The following MTHFD1L variants were observed in gnomAD, a reference collection of about 807,000 sequenced individuals.
MTHFD1L encodes methylenetetrahydrofolate dehydrogenase (NADP+ dependent) 1 like.
Under a neutral mutation model 119.5 loss-of-function variants are expected in MTHFD1L, and 81 were observed. The observed-to-expected ratio is 0.68, with a 90% CI of 0.57 to 0.82. The LOEUF (loss-of-function observed/expected upper bound fraction) is 0.82. Ranked by LOEUF, MTHFD1L falls within the 40% of genes least tolerant of loss-of-function variation. The probability of loss-of-function intolerance (pLI) is 0.00; values close to 1 mark genes in which losing one functional copy is unlikely to be tolerated. For synonymous variants in MTHFD1L, 430 were observed against 475.2 expected, an observed-to-expected ratio of 0.90 and a Z score of 1.24; for missense variants, 1,125 against 1,253.4, an observed-to-expected ratio of 0.90 and a Z score of 1.55.
chr6:150,986,617 C>T (rs553149089), intron 20 of MTHFD1L, among the ~76,000 whole-genome samples: 1 of 152,364 alleles, frequency 6.6e-6, no homozygotes, highest in South Asian at 2.1e-4. Flanking sequence ...AGGTGGAGCT[C>T]AGGCAGTAAT....
intron 14 of MTHFD1L, 141 bp downstream of exon 14, chr6:150,944,734 C>T: frequency 3.0e-6 from 2 of 658,058 alleles, no homozygotes; most frequent in Non-Finnish European, 5.3e-6. Context: ...ACATATGTCC[C>T]TGTTTCCCAA....
chr6:151,087,373 C>T (rs1793921809), intron 26 of MTHFD1L, among the ~76,000 whole-genome samples: 1 of 152,040 alleles, frequency 6.6e-6, no homozygotes, highest in Non-Finnish European at 1.5e-5. Context: ...TGTATATCAG[C>T]CATCCATCAG....
At chr6:150,889,233 T>G (rs997755971) in intron 7 of MTHFD1L, among the ~76,000 whole-genome samples, 1 of 152,140 alleles carries the variant, frequency 6.6e-6, no homozygotes, top group African/African-American at 2.4e-5. Flanking sequence ...ACTAGTTATG[T>G]ATATGAGTCT....
At chr6:151,093,767 CGGCTCTCT>C (rs1794660716) in intron 27 of MTHFD1L, among the ~76,000 whole-genome samples, 1 of 151,974 alleles carries the variant, frequency 6.6e-6, no homozygotes, top group African/African-American at 2.4e-5. Flanking sequence ...CAGGTGTGTT[CGGCTCTCT>C]TGTCCCTGGA....
intron 8 of MTHFD1L, among the ~76,000 whole-genome samples, chr6:150,909,358 C>T (rs898521889): frequency 6.6e-6 from 1 of 151,730 alleles, no homozygotes; most frequent in Admixed American, 6.6e-5. Context: ...ACGATCACAG[C>T]CTCAAACTCC....
intron 8 of MTHFD1L, among the ~76,000 whole-genome samples, chr6:150,906,481 C>T (rs932881103): frequency 4.6e-5 from 7 of 152,180 alleles, no homozygotes; most frequent in African/African-American, 1.7e-4. Flanking sequence ...CTAAGAAAGC[C>T]TTGGAGCACA....
intron 7 of MTHFD1L, among the ~76,000 whole-genome samples, chr6:150,897,481 C>G (rs1784429909): frequency 6.6e-6 from 1 of 152,222 alleles, no homozygotes; most frequent in Non-Finnish European, 1.5e-5. Flanking sequence ...ATCATATTGA[C>G]TTGCTTTCCG....
At chr6:151,076,352 A>G (rs1175627024) in intron 26 of MTHFD1L, among the ~76,000 whole-genome samples, 1 of 152,072 alleles carries the variant, frequency 6.6e-6, no homozygotes, top group Non-Finnish European at 1.5e-5. Context: ...CCCTGTCCCA[A>G]AGAAAAAAAA....
chr6:151,047,401 A>G (rs1788261154), intron 26 of MTHFD1L, among the ~76,000 whole-genome samples: 1 of 152,242 alleles, frequency 6.6e-6, no homozygotes. Context: ...ATCAGGGAGC[A>G]AGTATAAAGT....
intron 24 of MTHFD1L, among the ~76,000 whole-genome samples, chr6:151,032,050 A>G (rs529075579): frequency 6.6e-6 from 1 of 152,284 alleles, no homozygotes; most frequent in African/African-American, 2.4e-5. Flanking sequence ...CATGGAATTT[A>G]TTAGCATAGT....
At chr6:150,960,499 A>G (rs886067642) in intron 18 of MTHFD1L, 84 bp downstream of exon 18, 9 of 1,488,994 alleles carry the variant, frequency 6.0e-6, no homozygotes, top group Non-Finnish European at 8.1e-6. Flanking sequence ...TCTTCCTTTT[A>G]TCAGTGAGTG....
chr6:150,970,358 G>A (rs553752009), intron 19 of MTHFD1L, among the ~76,000 whole-genome samples: 1 of 152,276 alleles, frequency 6.6e-6, no homozygotes, highest in South Asian at 2.1e-4. Flanking sequence ...AGCCGTGTGT[G>A]GTGTTGATGG....
chr6:151,041,983 T>A (rs6557109), intron 26 of MTHFD1L: 5,269 of 370,152 alleles, frequency 0.014, 288 homozygotes, highest in African/African-American at 0.1. Context: ...TTTCCTACCA[T>A]TGAATTATTT....
chr6:151,039,765 A>C lies in MTHFD1L; in HGVS notation c.2847+2648A>C, dbSNP rs1425231595. 6.6e-6 allele frequency among the ~76,000 whole-genome samples: 1 copy of C among 151,910 alleles called. No homozygotes were observed. Among genetic ancestry groups the C allele is most frequent in the Admixed American group, 6.6e-5 (1 of 15,234 alleles). On this transcript the variant is annotated intron_variant, in intron 26 of 27. Transcript: ENST00000367321. The surrounding 1 kb of genome is among the most constrained non-coding windows in gnomAD (Gnocchi z 4.4). The stretch of plus-strand genomic sequence containing the variant: ...CCCCATCACTACTAAAAATACAAAA[A>C]TTTGCCGGGCGGGGTGGTGGGCACC...
rs138991456 is a variant in MTHFD1L, at chr6:150,945,498, A to G, written c.1580A>G (p.Asn527Ser). 17 of 1,613,902 alleles carry G rather than the reference A, an allele frequency of 1.1e-5. No individual in the cohort carries two copies. The East Asian group carries it at 3.8e-4, about 36-fold the overall frequency. ...ALYNRLVPLV[N>S]GVREFSEIQL... ...TATAATCGGCTGGTTCCTTTAGTGA[A>G]TGGTGTCAGAGAATTTTCAGAAATT... is the stretch of plus-strand genomic sequence containing the variant. The change falls in exon 15 of 28, where the codon AAT becomes AGT. Residue 527 changes from asparagine to serine, a missense_variant. This residue lies in a region of MTHFD1L where 1,058 missense variants were observed against 1,151.2 expected (regional missense o/e 0.92). Coordinates refer to ENST00000367321, the MANE Select transcript of MTHFD1L (RefSeq NM_015440.5).
chr6:150,905,621 T>C (rs773900295), intron 7 of MTHFD1L, 29 bp from the exon 8 acceptor site: 1 of 1,523,890 alleles, frequency 6.6e-7, no homozygotes, highest in South Asian at 1.1e-5. Context: ...CAGATCAAGA[T>C]GTGCGTGTTT....
Position 150,945,526 on chromosome 6 carries a change from G to A in MTHFD1L, c.1608G>A (p.Gln536=), listed in dbSNP as rs1197302685. ...GTGTCAGAGAATTTTCAGAAATTCA[G>A]CTTGCTCGGCTAAAAGTAAGTTTCC... The part of the protein sequence containing the change: ...VNGVREFSEI[Q]LARLKKLGIN... The change falls in exon 15 of 28, where the codon CAG becomes CAA. Residue 536 remains glutamine, a synonymous_variant. Transcript: ENST00000367321. 1 of 1,614,010 alleles carries A rather than the reference G, an allele frequency of 6.2e-7. No individual in the cohort carries two copies. The highest frequency in any genetic ancestry group is 1.3e-5 in the African/African-American group (1 of 75,042).
chr6:150,952,926 A>G (rs1467087654), intron 16 of MTHFD1L, among the ~76,000 whole-genome samples: 1 of 152,266 alleles, frequency 6.6e-6, no homozygotes, highest in Non-Finnish European at 1.5e-5. Flanking sequence ...AGAAATACTT[A>G]ACATAAGCAG....
At chr6:150,984,802 C>A (rs2128428201) in intron 20 of MTHFD1L, among the ~76,000 whole-genome samples, 1 of 152,144 alleles carries the variant, frequency 6.6e-6, no homozygotes, top group East Asian at 1.9e-4. Context: ...ATAGACTTAA[C>A]TTAGAGTCAT....
Sources: gnomAD v4.1 joint callset for allele counts (sites outside exome capture counted in the v4.1 genomes callset) on GRCh38, gnomAD v4.1.1 for gene constraint, gnomAD v4.1.1 regional missense constraint, Gnocchi (gnomAD v3.1) non-coding constraint, MANE v1.5 for transcripts, NCBI Gene and HGNC (gene_info 2026-07-23, HGNC 2026-07-21) for gene names.